MEGF8: variants seen among roughly 807,000 people sequenced by gnomAD.
MEGF8 encodes the protein multiple epidermal growth factor-like domains protein 8.
MEGF8 carries 156 observed loss-of-function variants against 302.9 expected under a neutral mutation model. The observed-to-expected ratio is 0.52, with a 90% CI of 0.45 to 0.59. The LOEUF (loss-of-function observed/expected upper bound fraction) is 0.59, where lower values mean the gene tolerates loss of function less well. Ranked by LOEUF, MEGF8 falls within the 20% of genes least tolerant of loss-of-function variation. The pLI is 0.00. For missense variants in MEGF8, 3,345 were observed against 3,964.5 expected (o/e 0.84, Z 4.20); for synonymous variants, 1,621 against 1,660.5 (o/e 0.98, Z 0.58).
chr19:42,340,978 A>G (rs993153882), intron 8 of MEGF8, among the ~76,000 whole-genome samples: 1 of 152,060 alleles, frequency 6.6e-6, no homozygotes, highest in Non-Finnish European at 1.5e-5. Context: ...TATTGTTACT[A>G]TTTTAGAGGC....
chr19:42,367,853 C>T (rs1057189458), intron 35 of MEGF8, among the ~76,000 whole-genome samples: 1 of 152,156 alleles, frequency 6.6e-6, no homozygotes, highest in African/African-American at 2.4e-5. Flanking sequence ...TGCCTGTCTG[C>T]GTCCTCTTTA....
chr19:42,362,648 T>G, intron 34 of MEGF8, 51 bp downstream of exon 34: 1 of 1,574,320 alleles, frequency 6.4e-7, no homozygotes, highest in Non-Finnish European at 8.6e-7. Context: ...CCTGGACTCC[T>G]GGGTCTGAGG....
chr19:42,334,270 C>T (rs977430980), intron 3 of MEGF8, 57 bp downstream of exon 3: 1 of 1,460,312 alleles, frequency 6.8e-7, no homozygotes, highest in East Asian at 2.4e-5. Flanking sequence ...GCGCAGCCTC[C>T]ACGCCCATCT....
chr19:42,339,231 C>T (rs1417568012), intron 8 of MEGF8, among the ~76,000 whole-genome samples: 1 of 152,194 alleles, frequency 6.6e-6, no homozygotes, highest in African/African-American at 2.4e-5. Flanking sequence ...CACGTTAGAA[C>T]AATTTATATT....
Position 42,344,485 on chromosome 19 carries a change from C to G in MEGF8, c.1833C>G (p.Asp611Glu), listed in dbSNP as rs372468505. 2.5e-6 allele frequency: 4 copies of G among 1,598,080 alleles called. No homozygotes were observed. In the African/African-American group the frequency reaches 5.3e-5, roughly 21 times the overall value. ...SCLGLGRLLG[D>E]CQACLAFSSP... is the part of the protein sequence containing the mutation. ...TGGGCCTGGGCCGCCTCCTGGGTGA[C>G]TGCCAGGCCTGCCTGGCCTTCAGCA... Residue 611 changes from aspartate (D) to glutamate (E), a missense_variant, in exon 11 of 42, where the codon GAC becomes GAG. By Grantham distance (45) the Asp-to-Glu change is conservative. Transcript: ENST00000251268. The surrounding 1 kb of genome is among the most constrained non-coding windows in gnomAD (Gnocchi z 4.5).
chr19:42,348,601 A>ATT, intron 13 of MEGF8, 129 bp downstream of exon 13: 1 of 918,874 alleles, frequency 1.1e-6, no homozygotes, highest in Non-Finnish European at 1.6e-6. Flanking sequence ...CAGGAGATGG[A>ATT]TTTTTTGTGT....
In MEGF8 at chr19:42,352,732, A is replaced by G. The variant is rs1600050300; in HGVS notation, c.3351-196A>G. 6.5e-5 allele frequency: 41 copies of G among 634,254 alleles called. 2 individuals carry two copies. The South Asian group carries it at 7.4e-4, about 12-fold the overall frequency. 39.3% of individuals were successfully genotyped at this position (634,254 alleles called of 1,614,324 possible). A position where few individuals can be genotyped will look rare whatever the true frequency, so the allele number is the denominator to read the frequency against. On this transcript the variant is annotated intron_variant, in intron 19 of 41. Transcript: ENST00000251268. This position sits in a 1 kb window ranked among gnomAD's most constrained non-coding sequence, Gnocchi z 4.4. ...GGACCTAGTTGAAAGAGGTTTTCACAGTGGTGCTATGTGGTTGCTATAGAG... is the reference window on the plus strand; with the variant it reads ...GGACCTAGTTGAAAGAGGTTTTCACGGTGGTGCTATGTGGTTGCTATAGAG...
chr19:42,333,652 A>T lies in MEGF8; in HGVS notation c.235A>T (p.Thr79Ser). 1 of 1,613,952 alleles carries T rather than the reference A, an allele frequency of 6.2e-7. No individual in the cohort carries two copies. Among genetic ancestry groups the T allele is most frequent in the Non-Finnish European group, 8.5e-7 (1 of 1,179,892 alleles). Reference protein sequence around the residue: ...RILLDFLFLDTECTYDYLFVY... With the variant: ...RILLDFLFLDSECTYDYLFVY... The stretch of plus-strand genomic sequence containing the variant: ...CCTGCTGGACTTCCTTTTCCTGGAC[A>T]CAGAGTGCACGTATGACTACCTGTT... The change falls in exon 2 of 42, where the codon ACA becomes TCA. Residue 79 changes from threonine (T) to serine (S), a missense_variant. Transcript: ENST00000251268.
At position 42,336,514 on chromosome 19, in the gene MEGF8, CCACTCA is replaced by C. The variant is rs1462932912; in HGVS notation, c.1244+172_1244+177del. Reference sequence around the variant, plus strand: ...TTCGTTCACTCATTCATTCATTCACCCACTCACACATTCTCTGATGTTTTATTCAAT... The same window carrying C: ...TTCGTTCACTCATTCATTCATTCACCCACATTCTCTGATGTTTTATTCAAT... On this transcript the variant is annotated intron_variant, in intron 6 of 41. Coordinates refer to ENST00000251268, the MANE Select transcript of MEGF8 (RefSeq NM_001271938.2). The surrounding 1 kb of genome is among the most constrained non-coding windows in gnomAD (Gnocchi z 4.8). Among the ~76,000 whole-genome samples the C allele has an allele frequency of 6.6e-6, 1 of 152,222 alleles. No individual in the cohort carries two copies. The highest frequency in any genetic ancestry group is 2.1e-4 in the South Asian group (1 of 4,830).
chr19:42,342,015 G>A (rs887811693), intron 8 of MEGF8, among the ~76,000 whole-genome samples: 1 of 152,194 alleles, frequency 6.6e-6, no homozygotes, highest in African/African-American at 2.4e-5. Context: ...AGGAACCTTA[G>A]CACTTAAGGG....
intron 8 of MEGF8, among the ~76,000 whole-genome samples, chr19:42,338,916 C>A (rs2039173870): frequency 6.9e-6 from 1 of 144,102 alleles, no homozygotes; most frequent in African/African-American, 2.6e-5. Flanking sequence ...CTCACTGCAA[C>A]CTCCACCTCC....
chr19:42,343,565 C>T lies in MEGF8; in HGVS notation c.1602C>T (p.Gly534=). ...SVLLVAGGYS[G]RPRGDLMAYK... ...TGTTGGTGGCTGGGGGGTACAGCGG[C>T]CGGCCCCGTGGGGACTTGATGGCGT... The change falls in exon 9 of 42, where the codon GGC becomes GGT. Residue 534 remains glycine, a synonymous_variant. Coordinates refer to ENST00000251268, the MANE Select transcript of MEGF8 (RefSeq NM_001271938.2). 6.2e-7 allele frequency: 1 copy of T among 1,613,312 alleles called. No homozygotes were observed. Among genetic ancestry groups the T allele is most frequent in the Non-Finnish European group, 8.5e-7 (1 of 1,179,700 alleles).
intron 31 of MEGF8, 60 bp from the exon 32 acceptor site, chr19:42,360,715 G>T (rs2039519081): frequency 6.5e-6 from 10 of 1,545,334 alleles, no homozygotes; most frequent in Non-Finnish European, 7.0e-6. Flanking sequence ...GCATCATGGT[G>T]TGGGTCTCTT....
At chr19:42,370,136 C>CG in intron 38 of MEGF8, 53 bp from the exon 39 acceptor site, 1 of 1,557,138 alleles carries the variant, frequency 6.4e-7, no homozygotes, top group Non-Finnish European at 8.7e-7. Flanking sequence ...CCAACGCCCT[C>CG]CTACCCCTGA....
Position 42,353,877 on chromosome 19 carries a change from A to G in MEGF8, c.3864A>G (p.Pro1288=). ...GSRRVGGLLP[P]GGGAARAGPG... is the part of the protein sequence containing the mutation. ...GCCGGGTCGGGGGGCTGCTGCCTCC[A>G]GGTGGCGGGGCTGCAAGAGCCGGGC... The change falls in exon 22 of 42, where the codon CCA becomes CCG. Residue 1288 remains proline (P), a synonymous_variant. Transcript: ENST00000251268. This position sits in a 1 kb window ranked among gnomAD's most constrained non-coding sequence, Gnocchi z 6.1. 1 of 1,599,592 alleles carries G rather than the reference A, an allele frequency of 6.3e-7. No individual in the cohort carries two copies. Among genetic ancestry groups the G allele is most frequent in the Non-Finnish European group, 8.5e-7 (1 of 1,173,334 alleles).
At position 42,360,883 on chromosome 19, in the gene MEGF8, G is replaced by A. The variant is rs1002807575; in HGVS notation, c.5597G>A (p.Arg1866His). Residue 1866 changes from arginine to histidine, a missense_variant, in exon 32 of 42, where the codon CGC (arginine) becomes CAC (histidine). Physicochemically the swap from Arg to His is conservative, Grantham distance 29 (BLOSUM62 0). Transcript: ENST00000251268. ...GGTTTCGGGGGAGTGGCCCTGGGCC[G>A]CCTGCTGGCACTGACCCTGCCCCCT... ...SGGFGGVALG[R>H]LLALTLPPDP... 8.7e-6 allele frequency: 14 copies of A among 1,613,300 alleles called. No individual in the cohort carries two copies. The highest frequency in any genetic ancestry group is 2.7e-5 in the African/African-American group (2 of 74,942).
In MEGF8 at chr19:42,337,124, C is replaced by T. The variant is rs759381367; in HGVS notation, c.1431C>T (p.Tyr477=). ...CCCATTACCAGGAGGAAAAGTGCTACGAAGATGGCATCTTCTTCTACCACC... is the reference window on the plus strand; with the variant it reads ...CCCATTACCAGGAGGAAAAGTGCTATGAAGATGGCATCTTCTTCTACCACC... ...VHTHYQEEKC[Y]EDGIFFYHLG... Residue 477 remains tyrosine (Y), a synonymous_variant, in exon 8 of 42, where the codon TAC becomes TAT. Coordinates refer to ENST00000251268, the MANE Select transcript of MEGF8 (RefSeq NM_001271938.2). The T allele has an allele frequency of 8.1e-6, 13 of 1,613,870 alleles. No homozygotes were observed. Among genetic ancestry groups the T allele is most frequent in the Admixed American group, 1.7e-5 (1 of 60,006 alleles).
rs143215498 is a variant in MEGF8, at chr19:42,358,150, A to G, written c.5018A>G (p.Tyr1673Cys). 4.2e-4 allele frequency: 665 copies of G among 1,584,662 alleles called. No homozygotes were observed. Among genetic ancestry groups the G allele is most frequent in the Non-Finnish European group, 5.0e-4 (587 of 1,166,868 alleles). Residue 1673 changes from tyrosine to cysteine, a missense_variant, in exon 29 of 42, where the codon TAT becomes TGT. Tyr to Cys is a radical substitution (Grantham distance 194). Transcript: ENST00000251268. The surrounding 1 kb of genome is among the most constrained non-coding windows in gnomAD (Gnocchi z 4.4). ...TCACCCTGCCCCTCACCAGGTCTCT[A>G]TGGTCACTCTGCTGTCTACCACGAG... ...AQSGTPPTGL[Y>C]GHSAVYHEAT...
intron 8 of MEGF8, among the ~76,000 whole-genome samples, chr19:42,341,120 C>G (rs1053126362): frequency 2.6e-5 from 4 of 152,052 alleles, no homozygotes; most frequent in African/African-American, 9.7e-5. Context: ...CCCATGCTAC[C>G]CTTCCCAGCT....
Sources: allele counts gnomAD v4.1 joint callset (sites outside exome capture counted in the v4.1 genomes callset), GRCh38; gene constraint gnomAD v4.1.1; non-coding constraint Gnocchi (gnomAD v3.1); transcripts MANE v1.5; gene names NCBI Gene and HGNC (gene_info 2026-07-23, HGNC 2026-07-21).